The following TTC39C variants were observed in gnomAD, a reference collection of about 807,000 sequenced individuals.
TTC39C encodes tetratricopeptide repeat domain 39C, also known as tetratricopeptide repeat protein 39C.
A neutral mutation model predicts 76.3 loss-of-function variants in TTC39C; 33 were observed. The ratio of observed to expected loss-of-function variants is 0.43; its 90% CI spans 0.33 to 0.58. The LOEUF is 0.58. Ranked by LOEUF, TTC39C falls within the 20% of genes least tolerant of loss-of-function variation. The probability of loss-of-function intolerance (pLI) is 0.04; values close to 1 mark genes in which losing one functional copy is unlikely to be tolerated. For missense variants in TTC39C, 595 were observed against 701.4 expected (o/e 0.85, Z 1.71); for synonymous variants, 254 against 260.6 (o/e 0.97, Z 0.24).
At chr18:24,113,256 G>A (rs59438645) in intron 6 of TTC39C, 2 of 315,730 alleles carry the variant, frequency 6.3e-6, no homozygotes, top group Non-Finnish European at 1.2e-5. Context: ...TGGTTAATGA[G>A]TCATTTGGCT....
intron 1 of TTC39C, among the ~76,000 whole-genome samples, chr18:24,007,002 T>G (rs2083358749): frequency 6.6e-6 from 1 of 152,170 alleles, no homozygotes; most frequent in Admixed American, 6.5e-5. Context: ...GCTCATGAGC[T>G]CTAGGCTGTG....
chr18:24,097,538 T>C (rs1428786475), intron 6 of TTC39C, among the ~76,000 whole-genome samples: 2 of 152,244 alleles, frequency 1.3e-5, no homozygotes, highest in Non-Finnish European at 1.5e-5. Flanking sequence ...GTCAGAATGG[T>C]GTAAGCTGAA....
chr18:24,105,546 AGGCACCACACT>A (rs2084736211), intron 6 of TTC39C, among the ~76,000 whole-genome samples: 1 of 152,220 alleles, frequency 6.6e-6, no homozygotes, highest in Non-Finnish European at 1.5e-5. Flanking sequence ...ACTTGCAGGC[AGGCACCACACT>A]GGCCCACCTT....
chr18:23,997,551 CAAAAAAAAAA>C (rs71163650), intron 1 of TTC39C, among the ~76,000 whole-genome samples: 2 of 52,168 alleles, frequency 3.8e-5, no homozygotes, highest in African/African-American at 8.3e-5. Context: ...GTCTCTGTCT[CAAAAAAAAAA>C]AAAAAAAAAA....
At chr18:24,013,331 G>T (rs1037282784), upstream of TTC39C, among the ~76,000 whole-genome samples, 2 of 152,166 alleles carry the variant, frequency 1.3e-5, no homozygotes, top group African/African-American at 4.8e-5. Flanking sequence ...GACACTTAAG[G>T]AGTGGCAGTA....
In TTC39C at chr18:24,069,235, C is replaced by T. The variant is rs747823249; in HGVS notation, c.424C>T (p.Leu142=). 1 of 1,613,970 alleles carries T rather than the reference C, an allele frequency of 6.2e-7. No homozygotes were observed. The highest frequency in any genetic ancestry group is 1.1e-5 in the South Asian group (1 of 91,058). The change falls in exon 4 of 14, where the codon CTG becomes TTG. Residue 142 remains leucine, a synonymous_variant. Coordinates refer to ENST00000317571, the MANE Select transcript of TTC39C (RefSeq NM_001135993.2). ...AATCATAGCTGACTGCCAGGTTTAC[C>T]TGGCTGTGCTTTCATTTGTAAAACA... The part of the protein sequence containing the change: ...QIIIADCQVY[L]AVLSFVKQEL...
chr18:24,045,917 A>ATTTTTTT (rs2083871228), intron 1 of TTC39C, among the ~76,000 whole-genome samples: 1 of 26,834 alleles, frequency 3.7e-5, no homozygotes, highest in African/African-American at 1.7e-4. Flanking sequence ...ATATATATAT[A>ATTTTTTT]TATATATATA....
At chr18:24,116,126 A>C (rs1199566481) in intron 7 of TTC39C, among the ~76,000 whole-genome samples, 1 of 152,120 alleles carries the variant, frequency 6.6e-6, no homozygotes, top group Non-Finnish European at 1.5e-5. Flanking sequence ...TTCCTGACTT[A>C]TTTCTGAGTT....
At chr18:24,107,893 G>GGA (rs879869347) in intron 6 of TTC39C, among the ~76,000 whole-genome samples, 140 of 145,444 alleles carry the variant, frequency 9.6e-4, no homozygotes, top group Non-Finnish European at 1.7e-3. Context: ...CAAGTAGGGG[G>GGA]GGGGGTACAG....
At chr18:24,070,038 GA>G (rs1243377295) in intron 4 of TTC39C, among the ~76,000 whole-genome samples, 1 of 152,192 alleles carries the variant, frequency 6.6e-6, no homozygotes, top group Non-Finnish European at 1.5e-5. Flanking sequence ...CCTAAATGAA[GA>G]AGGATAAATT....
chr18:24,091,058 C>T (rs1195672882), intron 6 of TTC39C, among the ~76,000 whole-genome samples: 4 of 152,170 alleles, frequency 2.6e-5, no homozygotes, highest in African/African-American at 4.8e-5. Flanking sequence ...CTGTCCGCCT[C>T]GGCCTCCCGA....
intron 1 of TTC39C, chr18:24,016,580 T>G (rs2083457028): frequency 2.5e-6 from 1 of 397,806 alleles, no homozygotes; most frequent in South Asian, 1.3e-4. Context: ...TTTTAACCCT[T>G]CTTTAGTAGG....
intron 6 of TTC39C, among the ~76,000 whole-genome samples, chr18:24,087,959 T>G (rs1465653150): frequency 1.3e-5 from 2 of 152,232 alleles, no homozygotes; most frequent in African/African-American, 4.8e-5. Flanking sequence ...GTTGGCTGAA[T>G]GAATAGATGA....
At chr18:24,029,559 G>A (rs2083642748) in intron 1 of TTC39C, among the ~76,000 whole-genome samples, 1 of 152,158 alleles carries the variant, frequency 6.6e-6, no homozygotes, top group South Asian at 2.1e-4. Context: ...TTGGTTACAT[G>A]GATAAGTTAT....
chr18:24,132,529 C>T lies in TTC39C; in HGVS notation c.1707C>T (p.Arg569=), dbSNP rs1402835935. ...ACTTTGAAAACAGATTGCATGTCCGCATCCATGCTGCTCTGGCCTCTCTGA... is the reference window on the plus strand; with the variant it reads ...ACTTTGAAAACAGATTGCATGTCCGTATCCATGCTGCTCTGGCCTCTCTGA... ...GYDFENRLHV[R]IHAALASLRE... Residue 569 remains arginine (R), a synonymous_variant, in exon 14 of 14, where the codon CGC becomes CGT. Transcript: ENST00000317571. 5 of 1,614,106 alleles carry T rather than the reference C, an allele frequency of 3.1e-6. No individual in the cohort carries two copies. Among genetic ancestry groups the T allele is most frequent in the Non-Finnish European group, 2.5e-6 (3 of 1,179,992 alleles).
chr18:24,035,511 G>A lies in TTC39C; in HGVS notation c.167+20473G>A, dbSNP rs181309657. Among the ~76,000 whole-genome samples the A allele has an allele frequency of 2.4e-3, 368 of 152,216 alleles. 2 individuals carry two copies. The highest frequency in any genetic ancestry group is 5.8e-3 in the South Asian group (28 of 4,820). Reference sequence around the variant, plus strand: ...TAGGGTGAGGTGGTATCTGATTTACGTTTCCCCAGTGATTAGTGATATTGA... The same window carrying A: ...TAGGGTGAGGTGGTATCTGATTTACATTTCCCCAGTGATTAGTGATATTGA... On this transcript the variant is annotated intron_variant, in intron 1 of 13. Transcript: ENST00000317571.
At chr18:24,062,609 G>A (rs987233188) in intron 1 of TTC39C, among the ~76,000 whole-genome samples, 2 of 142,804 alleles carry the variant, frequency 1.4e-5, no homozygotes, top group Non-Finnish European at 3.0e-5. Flanking sequence ...CAAGGGAATT[G>A]ACCCCCTCAC....
At position 24,118,159 on chromosome 18, in the gene TTC39C, T is replaced by A; in HGVS notation, c.1113T>A (p.Asp371Glu). 6.2e-7 allele frequency: 1 copy of A among 1,614,046 alleles called. No homozygotes were observed. Among genetic ancestry groups the A allele is most frequent in the South Asian group, 1.1e-5 (1 of 91,070 alleles). Reference protein sequence around the residue: ...WCSMIELNFKDAFDSFERLKN... With the variant: ...WCSMIELNFKEAFDSFERLKN... ...GCATGATAGAGCTCAATTTCAAGGA[T>A]GCATTTGATTCCTTTGAGAGGCTAA... is the stretch of plus-strand genomic sequence containing the variant. The change falls in exon 8 of 14, where the codon GAT becomes GAA. Residue 371 changes from aspartate (D) to glutamate (E), a missense_variant. Transcript: ENST00000317571.
chr18:24,101,511 A>G (rs1336933922), intron 6 of TTC39C, among the ~76,000 whole-genome samples: 14 of 151,240 alleles, frequency 9.3e-5, no homozygotes, highest in Admixed American at 9.2e-4. Flanking sequence ...GTGAGTCGAT[A>G]TTGTGCCACT....
Sources: gnomAD v4.1 joint callset for allele counts (sites outside exome capture counted in the v4.1 genomes callset) on GRCh38, gnomAD v4.1.1 for gene constraint, MANE v1.5 for transcripts, NCBI Gene and HGNC (gene_info 2026-07-23, HGNC 2026-07-21) for gene names.